Variants in MRTFB observed in about 807,000 individuals in gnomAD.
MRTFB encodes the protein myocardin related transcription factor B.
MRTFB carries 29 observed loss-of-function variants against 104.2 expected under a neutral mutation model. The ratio of observed to expected loss-of-function variants is 0.28; its 90% CI spans 0.21 to 0.38. MRTFB has a LOEUF of 0.38. MRTFB is among the 10% of genes least tolerant of loss of function. The pLI is 1.00. For synonymous variants in MRTFB, 535 were observed against 519.5 expected (o/e 1.03, Z -0.41); for missense variants, 1,270 against 1,341.6 (o/e 0.95, Z 0.83).
intron 2 of MRTFB, among the ~76,000 whole-genome samples, chr16:14,086,198 A>G (rs1157094344): frequency 6.6e-6 from 1 of 152,214 alleles, no homozygotes; most frequent in East Asian, 1.9e-4. Flanking sequence ...ATCTTTGTCC[A>G]GTATCCTGTC....
At chr16:14,168,446 A>T (rs79630454) in intron 3 of MRTFB, among the ~76,000 whole-genome samples, 1 of 152,126 alleles carries the variant, frequency 6.6e-6, no homozygotes, top group Non-Finnish European at 1.5e-5. Context: ...TTTGTTCACC[A>T]TTTATCTTTC....
upstream of MRTFB, among the ~76,000 whole-genome samples, chr16:14,069,546 C>T (rs1044749462): frequency 2.6e-5 from 4 of 152,202 alleles, no homozygotes; most frequent in Non-Finnish European, 5.9e-5. Flanking sequence ...AGGGCAGTGG[C>T]ACAGTCAGAG....
intron 13 of MRTFB, among the ~76,000 whole-genome samples, chr16:14,249,323 C>G (rs1023918773): frequency 1.3e-5 from 2 of 152,160 alleles, no homozygotes; most frequent in African/African-American, 4.8e-5. Flanking sequence ...ACCCCTTTTC[C>G]AAGGGAAAGT....
chr16:14,173,663 C>A (rs2039491837), intron 3 of MRTFB, among the ~76,000 whole-genome samples: 1 of 150,250 alleles, frequency 6.7e-6, no homozygotes, highest in South Asian at 2.1e-4. Flanking sequence ...ATGTCTTGTG[C>A]CTCATTCTCT....
At chr16:14,214,086 C>T (rs987833071) in intron 6 of MRTFB, among the ~76,000 whole-genome samples, 50 of 152,316 alleles carry the variant, frequency 3.3e-4, no homozygotes, top group South Asian at 1.2e-3. Flanking sequence ...CCATTAGCAC[C>T]TCCCATCCAC....
chr16:14,176,852 A>G (rs772275191), intron 3 of MRTFB, among the ~76,000 whole-genome samples: 2 of 152,208 alleles, frequency 1.3e-5, no homozygotes, highest in Non-Finnish European at 2.9e-5. Flanking sequence ...CATCATCTTC[A>G]TTATTGTCAT....
At chr16:14,046,585 C>T in the MRTFB span, among the ~76,000 whole-genome samples, 2 of 152,072 alleles carry the variant, frequency 1.3e-5, no homozygotes, top group East Asian at 3.9e-4. Flanking sequence ...CTTTATGCAC[C>T]CTACCCTTTT....
intron 3 of MRTFB, chr16:14,143,276 C>T (rs1481467169): frequency 6.6e-6 from 1 of 150,748 alleles, no homozygotes; most frequent in Non-Finnish European, 1.5e-5. Flanking sequence ...CAAAATACCA[C>T]ACAGAAAATA....
intron 2 of MRTFB, among the ~76,000 whole-genome samples, chr16:14,113,890 C>T (rs939630652): frequency 6.6e-6 from 1 of 152,156 alleles, no homozygotes; most frequent in Non-Finnish European, 1.5e-5. Flanking sequence ...GTAAACTCTT[C>T]TGGTTTCATA....
chr16:14,239,077 A>G (rs538154026), intron 9 of MRTFB, among the ~76,000 whole-genome samples: 1 of 152,334 alleles, frequency 6.6e-6, no homozygotes, highest in East Asian at 1.9e-4. Flanking sequence ...TGGCTCCAGC[A>G]CCCCGCTGGC....
chr16:14,011,461 G>A, the MRTFB span, among the ~76,000 whole-genome samples: 3 of 152,222 alleles, frequency 2.0e-5, no homozygotes, highest in Non-Finnish European at 4.4e-5. Flanking sequence ...GCTCAAGTGG[G>A]AAAGTTAGCA....
chr16:14,089,405 T>TA (rs1415231392), intron 2 of MRTFB, among the ~76,000 whole-genome samples: 1 of 152,226 alleles, frequency 6.6e-6, no homozygotes, highest in Non-Finnish European at 1.5e-5. Context: ...ATCATAAAAA[T>TA]ATGTGACCTT....
chr16:14,195,433 T>TAC, intron 3 of MRTFB: 1 of 751,526 alleles, frequency 1.3e-6, no homozygotes, highest in Non-Finnish European at 1.6e-6. Flanking sequence ...TGTATATATA[T>TAC]ACATAGGTAT....
intron 2 of MRTFB, among the ~76,000 whole-genome samples, chr16:14,118,274 C>T (rs369991129): frequency 6.6e-6 from 1 of 151,704 alleles, no homozygotes; most frequent in African/African-American, 2.4e-5. Context: ...GTAGCTGGGA[C>T]TACAGGCACA....
rs746036657 is a variant in MRTFB at position 14,240,374 on chromosome 16, C to G, written c.969C>G (p.Asp323Glu). 92 of 1,614,080 alleles carry G rather than the reference C, an allele frequency of 5.7e-5. No homozygotes were observed. The highest frequency in any genetic ancestry group is 7.3e-5 in the Non-Finnish European group (86 of 1,180,030). ...QKGEKNEPQMDSNYARLLQQQ... is the reference protein window; with the variant it reads ...QKGEKNEPQMESNYARLLQQQ... ...GTGAGAAGAATGAGCCGCAGATGGACTCTAACTACGCCCGCCTGCTCCAGC... is the reference window on the plus strand; with the variant it reads ...GTGAGAAGAATGAGCCGCAGATGGAGTCTAACTACGCCCGCCTGCTCCAGC... The change falls in exon 10 of 17, where the codon GAC (aspartate) becomes GAG (glutamate). Residue 323 changes from aspartate (D) to glutamate (E), a missense_variant. By Grantham distance (45) the Asp-to-Glu change is conservative. Transcript: ENST00000571589.
intron 9 of MRTFB, among the ~76,000 whole-genome samples, chr16:14,239,552 G>C (rs966766987): frequency 6.6e-6 from 1 of 151,998 alleles, no homozygotes; most frequent in Non-Finnish European, 1.5e-5. Context: ...TTCAGATGAC[G>C]CTATCTTAGA....
At chr16:14,106,285 G>A (rs570511948) in intron 2 of MRTFB, among the ~76,000 whole-genome samples, 24 of 152,286 alleles carry the variant, frequency 1.6e-4, no homozygotes, top group South Asian at 1.2e-3. Context: ...AGTGCTTGCC[G>A]TGACTTTAAG....
At chr16:13,999,500 CAA>C in the MRTFB span, among the ~76,000 whole-genome samples, 56 of 88,460 alleles carry the variant, frequency 6.3e-4, no homozygotes, top group Middle Eastern at 6.9e-3. Context: ...AGCCTTCTGG[CAA>C]AAAAAAAAAA....
the MRTFB span, among the ~76,000 whole-genome samples, chr16:14,033,047 G>A: frequency 6.6e-6 from 1 of 151,914 alleles, no homozygotes; most frequent in African/African-American, 2.4e-5. Context: ...GCAAAAATCA[G>A]AGAAGGTTAT....
Sources: gnomAD v4.1 joint callset for allele counts (sites outside exome capture counted in the v4.1 genomes callset) on GRCh38, gnomAD v4.1.1 for gene constraint, MANE v1.5 for transcripts, NCBI Gene and HGNC (gene_info 2026-07-23, HGNC 2026-07-21) for gene names.